COMMD10: variants seen among roughly 807,000 people sequenced by gnomAD.
COMMD10 encodes the protein COMM domain-containing protein 10.
In COMMD10, 33 loss-of-function variants were observed where a neutral mutation model predicts 28.9. The observed-to-expected ratio is 1.14, with a 90% CI of 0.87 to 1.53. The LOEUF (loss-of-function observed/expected upper bound fraction) is 1.53. Ranked by LOEUF, COMMD10 falls within the 40% of genes most tolerant of loss-of-function variation. The pLI, the probability that COMMD10 is intolerant of heterozygous loss-of-function variation, is 0.00. For synonymous variants in COMMD10, 110 were observed against 81.7 expected (o/e 1.35, Z -1.87); for missense variants, 310 against 233.4 (o/e 1.33, Z -2.14).
intron 5 of COMMD10, among the ~76,000 whole-genome samples, chr5:116,220,847 C>T (rs886080927): frequency 6.6e-6 from 1 of 152,032 alleles, no homozygotes; most frequent in Non-Finnish European, 1.5e-5. Context: ...GAAACCCTCC[C>T]TATAAACTTA....
chr5:116,286,204 T>A (rs1351106346), intron 5 of COMMD10, among the ~76,000 whole-genome samples: 2 of 151,730 alleles, frequency 1.3e-5, no homozygotes, highest in South Asian at 2.1e-4. Flanking sequence ...TCTGTTATAA[T>A]GTCCTCTCTT....
chr5:116,168,817 C>T (rs1190248093), intron 5 of COMMD10, among the ~76,000 whole-genome samples: 1 of 152,104 alleles, frequency 6.6e-6, no homozygotes, highest in Non-Finnish European at 1.5e-5. Context: ...ATCTCTGGGA[C>T]ACAGCTAAAG....
chr5:116,255,718 C>G (rs1245364337), intron 5 of COMMD10: 1 of 151,422 alleles, frequency 6.6e-6, no homozygotes, highest in Non-Finnish European at 1.5e-5. Flanking sequence ...TAAATGCTAA[C>G]TGAATATATA....
intron 5 of COMMD10, among the ~76,000 whole-genome samples, chr5:116,167,827 A>C (rs969149765): frequency 5.3e-5 from 8 of 152,206 alleles, no homozygotes; most frequent in African/African-American, 1.9e-4. Context: ...GAGCTCCTGA[A>C]GGAAACACTA....
intron 5 of COMMD10, among the ~76,000 whole-genome samples, chr5:116,280,181 A>G (rs1751035251): frequency 6.6e-6 from 1 of 151,888 alleles, no homozygotes; most frequent in African/African-American, 2.4e-5. Context: ...TCGTGGTTCT[A>G]CCTACTTCCA....
At chr5:116,176,505 C>G (rs987120699) in intron 5 of COMMD10, among the ~76,000 whole-genome samples, 1 of 152,132 alleles carries the variant, frequency 6.6e-6, no homozygotes, top group Non-Finnish European at 1.5e-5. Context: ...CACTGTTATT[C>G]CAAGTCCTTT....
Position 116,156,041 on chromosome 5 carries a change from A to G in COMMD10, c.510+21863A>G, listed in dbSNP as rs148979675. 3.1e-3 allele frequency among the ~76,000 whole-genome samples: 469 copies of G among 152,250 alleles called. 3 individuals carry two copies. Among genetic ancestry groups the G allele is most frequent in the Non-Finnish European group, 3.8e-3 (260 of 67,994 alleles). On this transcript the variant is annotated intron_variant, in intron 5 of 6. Coordinates refer to ENST00000274458, the MANE Select transcript of COMMD10 (RefSeq NM_016144.4). Reference sequence around the variant, plus strand: ...TTTTTCTTCATGTTAATAATAATGTAGAGAGTGCTTAGACTTTGTTACTAA... The same window carrying G: ...TTTTTCTTCATGTTAATAATAATGTGGAGAGTGCTTAGACTTTGTTACTAA...
intron 5 of COMMD10, among the ~76,000 whole-genome samples, chr5:116,216,488 C>T (rs1749103330): frequency 6.6e-6 from 1 of 152,154 alleles, no homozygotes; most frequent in African/African-American, 2.4e-5. Context: ...TTACAGTCAT[C>T]AGCAGATGTT....
chr5:116,098,553 G>T (rs1750542290), intron 4 of COMMD10, among the ~76,000 whole-genome samples: 1 of 152,198 alleles, frequency 6.6e-6, no homozygotes, highest in Admixed American at 6.5e-5. Context: ...TGTTGTCATT[G>T]TATTAGTTAT....
chr5:116,098,382 A>C (rs1278959329), intron 4 of COMMD10, among the ~76,000 whole-genome samples: 1 of 152,192 alleles, frequency 6.6e-6, no homozygotes, highest in Non-Finnish European at 1.5e-5. Flanking sequence ...CTTGCAGCAG[A>C]ACACATGTTG....
At chr5:116,155,322 A>C (rs951660076) in intron 5 of COMMD10, among the ~76,000 whole-genome samples, 1 of 152,054 alleles carries the variant, frequency 6.6e-6, no homozygotes, top group African/African-American at 2.4e-5. Flanking sequence ...TTGTTTGTGC[A>C]TTGTCCTTAT....
At chr5:116,278,224 A>G (rs550334089) in intron 5 of COMMD10, among the ~76,000 whole-genome samples, 84 of 151,920 alleles carry the variant, frequency 5.5e-4, no homozygotes, top group Middle Eastern at 3.4e-3. Context: ...TTTAGCTGTC[A>G]ATGCTCTTTT....
At chr5:116,125,742 T>C (rs922219374) in intron 4 of COMMD10, among the ~76,000 whole-genome samples, 72 of 152,220 alleles carry the variant, frequency 4.7e-4, no homozygotes, top group African/African-American at 1.7e-3. Flanking sequence ...GAAGGCTTTG[T>C]TCGTTTCTTT....
intron 5 of COMMD10, among the ~76,000 whole-genome samples, chr5:116,250,939 C>T (rs1750095042): frequency 6.6e-6 from 1 of 151,970 alleles, no homozygotes. Context: ...TGCCTCTTGG[C>T]ATGCCACTAC....
At chr5:116,105,849 TTTC>T (rs1291064346) in intron 4 of COMMD10, among the ~76,000 whole-genome samples, 1 of 152,174 alleles carries the variant, frequency 6.6e-6, no homozygotes, top group East Asian at 1.9e-4. Context: ...TCTTCTCTCT[TTTC>T]TTCTTTATTA....
At chr5:116,265,088 G>A (rs116817298) in intron 5 of COMMD10, among the ~76,000 whole-genome samples, 2,128 of 151,762 alleles carry the variant, frequency 0.014, 39 homozygotes, top group Non-Finnish European at 0.022. Context: ...TGTCTGCTTC[G>A]CAAAATAACA....
At chr5:116,267,101 A>G (rs375968419) in intron 5 of COMMD10, among the ~76,000 whole-genome samples, 1 of 151,920 alleles carries the variant, frequency 6.6e-6, no homozygotes, top group Non-Finnish European at 1.5e-5. Context: ...GGCCAGGGCA[A>G]TCAGACAGGA....
At chr5:116,245,340 G>T (rs1338897388) in intron 5 of COMMD10, among the ~76,000 whole-genome samples, 1 of 152,074 alleles carries the variant, frequency 6.6e-6, no homozygotes, top group Non-Finnish European at 1.5e-5. Context: ...CTTGGAAATT[G>T]AGACAGTAAT....
intron 5 of COMMD10, among the ~76,000 whole-genome samples, chr5:116,220,028 T>G (rs536627199): frequency 6.6e-5 from 10 of 152,084 alleles, no homozygotes; most frequent in African/African-American, 2.4e-4. Flanking sequence ...TAAATTGTTT[T>G]GGATACATAG....
Sources: gnomAD v4.1 joint callset for allele counts (sites outside exome capture counted in the v4.1 genomes callset) on GRCh38, gnomAD v4.1.1 for gene constraint, MANE v1.5 for transcripts, NCBI Gene and HGNC (gene_info 2026-07-23, HGNC 2026-07-21) for gene names.